The following ABCC9 variants were observed in gnomAD, a reference collection of about 807,000 sequenced individuals.
ABCC9 encodes ATP-binding cassette sub-family C member 9.
A neutral mutation model predicts 188.3 loss-of-function variants in ABCC9; 95 were observed. That is an observed-to-expected ratio of 0.50 (90% CI 0.43 to 0.60). The LOEUF is 0.60. Among genes scored for constraint, ABCC9 ranks in the 20% least tolerant of loss-of-function variants. The probability of loss-of-function intolerance (pLI) is 0.00; values close to 1 mark genes in which losing one functional copy is unlikely to be tolerated. For missense variants in ABCC9, 1,102 were observed against 1,876.3 expected, an observed-to-expected ratio of 0.59 and a Z score of 7.62; for synonymous variants, 659 against 652.7, an observed-to-expected ratio of 1.01 and a Z score of -0.15.
intron 19 of ABCC9, 120 bp downstream of exon 19, chr12:21,864,319 T>C: frequency 2.5e-6 from 2 of 788,776 alleles, no homozygotes; most frequent in African/African-American, 1.7e-5. Context: ...GTTGGAAATA[T>C]GCTAGCACAC....
intron 31 of ABCC9, among the ~76,000 whole-genome samples, chr12:21,823,531 G>T (rs945477979): frequency 6.6e-6 from 1 of 152,126 alleles, no homozygotes. Flanking sequence ...ATAGACTCTT[G>T]TGCAAGCTCA....
At chr12:21,914,403 A>G (rs1592221976) in intron 7 of ABCC9, among the ~76,000 whole-genome samples, 1 of 152,176 alleles carries the variant, frequency 6.6e-6, no homozygotes, top group East Asian at 1.9e-4. Flanking sequence ...AATACTTAGG[A>G]AAAGTGCCAG....
At chr12:21,881,608 G>A (rs1223259021) in intron 16 of ABCC9, among the ~76,000 whole-genome samples, 2 of 151,974 alleles carry the variant, frequency 1.3e-5, no homozygotes, top group Non-Finnish European at 2.9e-5. Flanking sequence ...GCATAGTGGG[G>A]AAACAACAGC....
chr12:21,884,498 G>A (rs375711642), intron 15 of ABCC9, among the ~76,000 whole-genome samples: 1 of 152,140 alleles, frequency 6.6e-6, no homozygotes, highest in African/African-American at 2.4e-5. Context: ...GTTTTGGGGG[G>A]TTATTTTTTG....
chr12:21,882,624 T>C (rs1192967950), intron 16 of ABCC9, 142 bp downstream of exon 16: 3 of 672,244 alleles, frequency 4.5e-6, no homozygotes, highest in Non-Finnish European at 7.3e-6. Context: ...AAACTCAGAA[T>C]TTTTTTTTAA....
chr12:21,884,908 G>A (rs1477209305), intron 15 of ABCC9, among the ~76,000 whole-genome samples: 1 of 152,116 alleles, frequency 6.6e-6, no homozygotes, highest in Non-Finnish European at 1.5e-5. Flanking sequence ...TTTAGGCTAA[G>A]TATATTTTCC....
intron 5 of ABCC9, chr12:21,923,763 A>G (rs1448556672): frequency 2.9e-6 from 2 of 679,452 alleles, no homozygotes; most frequent in Non-Finnish European, 5.3e-6. Context: ...CAGAGATTTC[A>G]CTCTTAGGTA....
intron 21 of ABCC9, among the ~76,000 whole-genome samples, chr12:21,859,940 G>C (rs1327279287): frequency 1.3e-5 from 2 of 152,064 alleles, no homozygotes; most frequent in Non-Finnish European, 2.9e-5. Context: ...CAAAACACTT[G>C]CTAGGAAATG....
At chr12:21,831,633 G>GTT (rs1374867956) in intron 30 of ABCC9, among the ~76,000 whole-genome samples, 1 of 152,180 alleles carries the variant, frequency 6.6e-6, no homozygotes. Context: ...GAGAGGAAGG[G>GTT]TTAAGCAAGG....
At position 21,877,428 on chromosome 12, in the gene ABCC9, G is replaced by A. The variant is rs145734167; in HGVS notation, c.2020-1702C>T. 3.9e-3 allele frequency among the ~76,000 whole-genome samples: 593 copies of A among 152,292 alleles called. 3 individuals are homozygous for A. The highest frequency in any genetic ancestry group is 5.3e-3 in the Non-Finnish European group (361 of 68,018). On this transcript the variant is annotated intron_variant, in intron 16 of 39. Coordinates refer to ENST00000261200, the MANE Select transcript of ABCC9 (RefSeq NM_020297.4). ...GAATAGGCTGAAGATCAAAAAAACC[G>A]TAAAATATGTCAGAGGAAATGATGA...
rs961395179 is a variant in ABCC9 at position 21,799,761 on chromosome 12, A to C, written c.*1283T>G. ...AATCTTACAATGCATGTGGATCTTCATATGAAAAAGAAATCAATGATATTG... is the reference window on the plus strand; with the variant it reads ...AATCTTACAATGCATGTGGATCTTCCTATGAAAAAGAAATCAATGATATTG... On this transcript the variant is annotated 3_prime_UTR_variant, in exon 40 of 40. Transcript: ENST00000261200. 2.6e-5 allele frequency: 4 copies of C among 152,218 alleles called. No individual in the cohort carries two copies. Among genetic ancestry groups the C allele is most frequent in the African/African-American group, 9.6e-5 (4 of 41,466 alleles). The allele number at this position is 152,218 out of a possible 1,614,324, so 9.4% of individuals were successfully genotyped here.
intron 10 of ABCC9, among the ~76,000 whole-genome samples, chr12:21,909,630 A>G (rs534976741): frequency 4.3e-4 from 66 of 152,080 alleles, no homozygotes; most frequent in African/African-American, 1.0e-3. Context: ...ACATTTTGCA[A>G]TATACTAACT....
intron 35 of ABCC9, among the ~76,000 whole-genome samples, chr12:21,813,735 C>T (rs1942418840): frequency 6.6e-6 from 1 of 152,120 alleles, no homozygotes; most frequent in Non-Finnish European, 1.5e-5. Context: ...AGAAGTTTAC[C>T]TTGTTCCTGA....
At chr12:21,881,735 T>C (rs375198325) in intron 16 of ABCC9, among the ~76,000 whole-genome samples, 1,056 of 99,858 alleles carry the variant, frequency 0.011, 4 homozygotes, top group Admixed American at 0.016. Flanking sequence ...CACACACACA[T>C]TTTTTAAAGC....
At chr12:21,938,107 A>G (rs1313059129) in intron 2 of ABCC9, 1 of 152,186 alleles carries the variant, frequency 6.6e-6, no homozygotes, top group Non-Finnish European at 1.5e-5. Flanking sequence ...TACAGAAAAG[A>G]TTGTCAATGG....
intron 13 of ABCC9, among the ~76,000 whole-genome samples, chr12:21,894,594 T>C (rs1485625324): frequency 1.6e-5 from 1 of 63,120 alleles, no homozygotes; most frequent in African/African-American, 6.6e-5. Flanking sequence ...AGCATTAATA[T>C]CCAAAGAAGA....
chr12:21,838,055 A>C (rs1944192940), intron 30 of ABCC9, 23 bp downstream of exon 30: 1 of 1,541,562 alleles, frequency 6.5e-7, no homozygotes, highest in African/African-American at 1.4e-5. Flanking sequence ...CTAGTCAGCT[A>C]ATATAAAAAT....
rs970820557 is a variant in ABCC9, at chr12:21,814,801, T to C, written c.4024-79A>G. 9 of 1,098,122 alleles carry C rather than the reference T, an allele frequency of 8.2e-6. No homozygotes were observed. In the African/African-American group the frequency reaches 1.3e-4, roughly 15 times the overall value. 68.0% of individuals were successfully genotyped at this position (1,098,122 alleles called of 1,614,324 possible). A position where few individuals can be genotyped will look rare whatever the true frequency, so the allele number is the denominator to read the frequency against. ...TTAGCTTAAGTTTTGTTTTTTAACTTAAGATATTATGATAAAACTGTAATT... is the reference window on the plus strand; with the variant it reads ...TTAGCTTAAGTTTTGTTTTTTAACTCAAGATATTATGATAAAACTGTAATT... On this transcript the variant is annotated intron_variant, in intron 34 of 39. Coordinates refer to ENST00000261200, the MANE Select transcript of ABCC9 (RefSeq NM_020297.4).
At chr12:21,819,349 C>T (rs183009841) in intron 31 of ABCC9, among the ~76,000 whole-genome samples, 59 of 152,262 alleles carry the variant, frequency 3.9e-4, no homozygotes, top group African/African-American at 1.3e-3. Context: ...GATGATAACA[C>T]ATTAATGACA....
Sources: gnomAD v4.1 joint callset for allele counts (sites outside exome capture counted in the v4.1 genomes callset) on GRCh38, gnomAD v4.1.1 for gene constraint, MANE v1.5 for transcripts, NCBI Gene and HGNC (gene_info 2026-07-23, HGNC 2026-07-21) for gene names.